POLD1: variants seen among roughly 807,000 people sequenced by gnomAD.
POLD1 encodes the protein DNA polymerase delta catalytic subunit.
In POLD1, 79 loss-of-function variants were observed where a neutral mutation model predicts 129.7. That is an observed-to-expected ratio of 0.61 (90% CI 0.51 to 0.73). The LOEUF is 0.73. POLD1 is among the 30% of genes least tolerant of loss of function. The pLI is 0.00. For synonymous variants in POLD1, 714 were observed against 683.3 expected (o/e 1.04, Z -0.70); for missense variants, 1,338 against 1,595.8 (o/e 0.84, Z 2.75).
chr19:50,399,339 A>G (rs754980630), intron 2 of POLD1, 32 bp from the exon 3 acceptor site: 2 of 1,527,988 alleles, frequency 1.3e-6, no homozygotes, highest in South Asian at 2.2e-5. Context: ...CCATGACTCC[A>G]TGTACTCCAC....
intron 14 of POLD1, among the ~76,000 whole-genome samples, chr19:50,407,984 G>A (rs2038959860): frequency 1.3e-5 from 2 of 151,518 alleles, no homozygotes; most frequent in East Asian, 2.0e-4. Context: ...TGCAGTGAGC[G>A]ATGATTGCGC....
intron 26 of POLD1, 69 bp from the exon 27 acceptor site, chr19:50,417,773 C>T: frequency 1.0e-6 from 1 of 978,894 alleles, no homozygotes; most frequent in Non-Finnish European, 1.6e-6. Context: ...GGGAACAGCC[C>T]CCACCCCTCT....
chr19:50,403,337 T>C (rs1173974441), intron 9 of POLD1, 118 bp downstream of exon 9: 1 of 1,149,088 alleles, frequency 8.7e-7, no homozygotes, highest in Non-Finnish European at 1.3e-6. Context: ...TGGGTGTCTG[T>C]GGGTCTGGGT....
intron 1 of POLD1, among the ~76,000 whole-genome samples, chr19:50,396,672 G>C (rs896830852): frequency 6.6e-6 from 1 of 151,552 alleles, no homozygotes; most frequent in African/African-American, 2.4e-5. Flanking sequence ...AGTAGAGACG[G>C]GGTTTCACCA....
chr19:50,416,671 C>T lies in POLD1; in HGVS notation c.3015C>T (p.Phe1005=), dbSNP rs752830545. The T allele has an allele frequency of 4.4e-5, 68 of 1,556,456 alleles. No homozygotes were observed. The highest frequency in any genetic ancestry group is 3.5e-4 in the South Asian group (30 of 85,024). Residue 1005 remains phenylalanine (F), a synonymous_variant, in exon 24 of 27, where the codon TTC becomes TTT. Coordinates refer to ENST00000440232, the MANE Select transcript of POLD1 (RefSeq NM_002691.4). Reference sequence around the variant, plus strand: ...GCAAGGTGGGCGGCCTCCTGGCCTTCGCCAAACGCCGCAACTGCTGCATTG... The same window carrying T: ...GCAAGGTGGGCGGCCTCCTGGCCTTTGCCAAACGCCGCAACTGCTGCATTG... ...LTGKVGGLLA[F]AKRRNCCIGC...
intron 3 of POLD1, among the ~76,000 whole-genome samples, chr19:50,401,363 ATG>A (rs1266156050): frequency 5.2e-5 from 5 of 95,502 alleles, no homozygotes; most frequent in African/African-American, 1.9e-4. Flanking sequence ...ATTTGTGTAT[ATG>A]TGTATATATA....
intron 1 of POLD1, among the ~76,000 whole-genome samples, chr19:50,385,409 C>G (rs931013338): frequency 2.0e-5 from 3 of 151,814 alleles, no homozygotes; most frequent in Non-Finnish European, 4.4e-5. Context: ...GCTCTGAAGG[C>G]AAAGATTAGT....
At chr19:50,399,234 T>A (rs2038489957) in intron 2 of POLD1, 137 bp from the exon 3 acceptor site, 2 of 1,143,994 alleles carry the variant, frequency 1.7e-6, no homozygotes, top group South Asian at 1.4e-5. Context: ...GCCCTGACCC[T>A]TGACCCTCAT....
At chr19:50,386,241 G>A (rs3219299) in intron 1 of POLD1, among the ~76,000 whole-genome samples, 2,285 of 152,046 alleles carry the variant, frequency 0.015, 56 homozygotes, top group African/African-American at 0.051. Flanking sequence ...GGGTTCAAGC[G>A]ATTCTCATGC....
At chr19:50,413,561 G>A (rs1309466009) in intron 18 of POLD1, 40 bp downstream of exon 18, 2 of 1,569,226 alleles carry the variant, frequency 1.3e-6, no homozygotes. Flanking sequence ...TGGGCCCAGG[G>A]CAGGTGGGGG....
chr19:50,414,558 T>C (rs1156298569), intron 19 of POLD1, among the ~76,000 whole-genome samples: 3 of 152,240 alleles, frequency 2.0e-5, no homozygotes, highest in Admixed American at 6.5e-5. Context: ...GATCTCATGT[T>C]TTAGGGACTA....
chr19:50,397,909 T>A (rs1172222889), intron 1 of POLD1, among the ~76,000 whole-genome samples: 1 of 152,202 alleles, frequency 6.6e-6, no homozygotes, highest in Non-Finnish European at 1.5e-5. Flanking sequence ...GTGTTAAATG[T>A]CCTAGATTGT....
chr19:50,402,168 G>A (rs2122242133), intron 5 of POLD1, 37 bp from the exon 6 acceptor site: 1 of 1,591,066 alleles, frequency 6.3e-7, no homozygotes, highest in South Asian at 1.2e-5. Flanking sequence ...GTCCCCTCGG[G>A]AGGCCATTGG....
At chr19:50,410,665 C>G (rs2039058092) in intron 17 of POLD1, among the ~76,000 whole-genome samples, 1 of 152,214 alleles carries the variant, frequency 6.6e-6, no homozygotes, top group Admixed American at 6.5e-5. Flanking sequence ...GTTGTGCTCT[C>G]CCAGTAGAGT....
intron 10 of POLD1, among the ~76,000 whole-genome samples, chr19:50,404,264 C>T: frequency 7.0e-6 from 1 of 143,440 alleles, no homozygotes. Context: ...CATGTCCTCC[C>T]TTTTTTTTTT....
Position 50,416,408 on chromosome 19 carries a change from G to C in POLD1, c.2833G>C (p.Val945Leu). 6.5e-7 allele frequency: 1 copy of C among 1,549,352 alleles called. No homozygotes were observed. Among genetic ancestry groups the C allele is most frequent in the Non-Finnish European group, 8.7e-7 (1 of 1,147,194 alleles). ...CATGTGGCCGCAGGACCCGCTGTTC[G>C]TGCTGGAGCACAGCCTGCCCATTGA... is the stretch of plus-strand genomic sequence containing the variant. The part of the protein sequence containing the change: ...AYMKSEDPLF[V>L]LEHSLPIDTQ... Residue 945 changes from valine (V) to leucine (L), a missense_variant, in exon 23 of 27, where the codon GTG becomes CTG. Physicochemically the swap from Val to Leu is conservative, Grantham distance 32. Transcript: ENST00000440232.
rs878854536 is a variant in POLD1, at chr19:50,414,850, C to T, written c.2424C>T (p.Arg808=). Residue 808 remains arginine (R), a synonymous_variant, in exon 20 of 27, where the codon CGC becomes CGT. Transcript: ENST00000440232. The stretch of plus-strand genomic sequence containing the variant: ...CATACCTGCTTATCAGCAAGAAGCG[C>T]TACGCGGGCCTGCTCTTCTCCTCCC... ...YFPYLLISKK[R]YAGLLFSSRP... is the part of the protein sequence containing the mutation. 4 of 1,596,574 alleles carry T rather than the reference C, an allele frequency of 2.5e-6. No individual in the cohort carries two copies. The highest frequency in any genetic ancestry group is 2.3e-5 in the East Asian group (1 of 43,964).
intron 26 of POLD1, 124 bp from the exon 27 acceptor site, chr19:50,417,718 G>T (rs1322218078): frequency 4.9e-6 from 2 of 407,266 alleles, no homozygotes; most frequent in Non-Finnish European, 9.5e-6. Flanking sequence ...AGCCCGCTGC[G>T]GGAGGGGGCG....
In POLD1 at chr19:50,409,361, A is replaced by G. The variant is rs1000129569; in HGVS notation, c.2006+126A>G. The G allele has an allele frequency of 2.7e-5, 34 of 1,251,296 alleles. No individual in the cohort carries two copies. The highest frequency in any genetic ancestry group is 3.8e-5 in the Non-Finnish European group (33 of 873,734). 77.5% of individuals were successfully genotyped at this position (1,251,296 alleles called of 1,614,324 possible). A position where few individuals can be genotyped will look rare whatever the true frequency, so the allele number is the denominator to read the frequency against. On this transcript the variant is annotated intron_variant, in intron 16 of 26. Transcript: ENST00000440232. This position sits in a 1 kb window ranked among gnomAD's most constrained non-coding sequence, Gnocchi z 5.8. ...CCCTCAGCTGTGCGTGAATTAGCAC[A>G]AGGCATCCCCTCCTGGCAGCTTCCT... is the stretch of plus-strand genomic sequence containing the variant.
Sources: gnomAD v4.1 joint callset for allele counts (sites outside exome capture counted in the v4.1 genomes callset) on GRCh38, gnomAD v4.1.1 for gene constraint, Gnocchi (gnomAD v3.1) non-coding constraint, MANE v1.5 for transcripts, NCBI Gene and HGNC (gene_info 2026-07-23, HGNC 2026-07-21) for gene names.